Variants in DEF8 observed in about 807,000 individuals in gnomAD.
DEF8 encodes differentially expressed in FDCP 8 homolog, also known as DEF-8.
In DEF8, 38 loss-of-function variants were observed where a neutral mutation model predicts 59.1. The ratio of observed to expected loss-of-function variants is 0.64; its 90% CI spans 0.50 to 0.84. The LOEUF (loss-of-function observed/expected upper bound fraction) is 0.84, where lower values mean the gene tolerates loss of function less well. DEF8 is among the 40% of genes least tolerant of loss of function. The pLI, the probability that DEF8 is intolerant of heterozygous loss-of-function variation, is 0.00. For synonymous variants in DEF8, 265 were observed against 250.1 expected (o/e 1.06, Z -0.56); for missense variants, 557 against 615.2 (o/e 0.91, Z 1.00).
In DEF8 at chr16:89,948,785, G is replaced by C; in HGVS notation, c.-137G>C. On this transcript the variant is annotated 5_prime_UTR_variant, in exon 1 of 13. Transcript: ENST00000563594. ...GGGGCGGCCGGGCGGATCCAGCGCAGCCGGGAGACAGATGCGAGGCGGCGG... is the reference window on the plus strand; with the variant it reads ...GGGGCGGCCGGGCGGATCCAGCGCACCCGGGAGACAGATGCGAGGCGGCGG... The C allele has an allele frequency of 1.0e-6, 1 of 984,054 alleles. No homozygotes were observed. The highest frequency in any genetic ancestry group is 1.8e-5 in the African/African-American group (1 of 56,566). The allele number at this position is 984,054 out of a possible 1,614,324, so 61.0% of individuals were successfully genotyped here.
At chr16:89,963,807 G>A (rs772421906) in intron 10 of DEF8, 1 of 488,986 alleles carries the variant, frequency 2.0e-6, no homozygotes, top group Non-Finnish European at 3.8e-6. Context: ...CTTGCCCTTA[G>A]TGCCTTTCAA....
At chr16:89,949,927 G>T in intron 2 of DEF8, 1 of 790,356 alleles carries the variant, frequency 1.3e-6, no homozygotes, top group Non-Finnish European at 1.7e-6. Flanking sequence ...ACTGTGGCCG[G>T]CATCCCCAGG....
chr16:89,958,864 A>AT lies in DEF8; in HGVS notation c.373-150_373-149insT, dbSNP rs1283416462. 4 of 1,460,058 alleles carry AT rather than the reference A, an allele frequency of 2.7e-6. No individual in the cohort carries two copies. In the African/African-American group the frequency reaches 5.7e-5, roughly 21 times the overall value. The allele number at this position is 1,460,058 out of a possible 1,614,324, so 90.4% of individuals were successfully genotyped here. On this transcript the variant is annotated intron_variant, in intron 5 of 12. Transcript: ENST00000563594. ...GTCCAGCTGATCATTGTTTACTGTG[A>AT]AAGGGAGAAAAGGGACATGGCATTG...
chr16:89,949,653 C>T (rs377700366), intron 2 of DEF8, 140 bp downstream of exon 2: 12 of 1,601,252 alleles, frequency 7.5e-6, no homozygotes, highest in Non-Finnish European at 7.7e-6. Context: ...GTGCATCCCG[C>T]GTGTCCTGAG....
intron 6 of DEF8, 107 bp from the exon 7 acceptor site, chr16:89,960,824 T>C (rs899562048): frequency 5.1e-6 from 6 of 1,174,550 alleles, no homozygotes; most frequent in Non-Finnish European, 7.4e-6. Context: ...TAGATTGATC[T>C]GGGCCTCAGA....
intron 2 of DEF8, among the ~76,000 whole-genome samples, chr16:89,950,856 C>A (rs1411868093): frequency 6.6e-6 from 1 of 152,160 alleles, no homozygotes; most frequent in Non-Finnish European, 1.5e-5. Flanking sequence ...GTGGCACACA[C>A]TGGAGTTCCA....
intron 4 of DEF8, chr16:89,957,233 A>G (rs148774292): frequency 2.3e-5 from 7 of 305,488 alleles, no homozygotes; most frequent in African/African-American, 4.3e-5. Flanking sequence ...GGATTTCTCA[A>G]AGAAGGAAGT....
intron 3 of DEF8, 66 bp from the exon 4 acceptor site, chr16:89,955,103 C>A: frequency 7.6e-7 from 1 of 1,314,042 alleles, no homozygotes; most frequent in Non-Finnish European, 1.1e-6. Flanking sequence ...ATCTCAGCTC[C>A]TCCCTAGGGG....
rs1447909445 is a variant in DEF8, at chr16:89,964,157, T to A, written c.1003-13T>A. Reference sequence around the variant, plus strand: ...CCCCGGTGCAGGGCGTCACGGCTGCTGGGACTTGGCAGCTCCAGGATCGGC... The same window carrying A: ...CCCCGGTGCAGGGCGTCACGGCTGCAGGGACTTGGCAGCTCCAGGATCGGC... On this transcript the variant is annotated splice_polypyrimidine_tract_variant and intron_variant, in intron 10 of 12. Transcript: ENST00000563594. The A allele has an allele frequency of 1.2e-6, 2 of 1,613,930 alleles. No individual in the cohort carries two copies. Among genetic ancestry groups the A allele is most frequent in the South Asian group, 2.2e-5 (2 of 91,076 alleles).
In DEF8 at chr16:89,948,790, G is replaced by C; in HGVS notation, c.-132G>C. On this transcript the variant is annotated 5_prime_UTR_variant, in exon 1 of 13. Coordinates refer to ENST00000563594, the MANE Select transcript of DEF8 (RefSeq NM_001242818.2). ...GGCCGGGCGGATCCAGCGCAGCCGG[G>C]AGACAGATGCGAGGCGGCGGTCAGG... 1 of 983,800 alleles carries C rather than the reference G, an allele frequency of 1.0e-6. No homozygotes were observed. Among genetic ancestry groups the C allele is most frequent in the South Asian group, 4.6e-5 (1 of 21,966 alleles). The allele number at this position is 983,800 out of a possible 1,614,324, so 60.9% of individuals were successfully genotyped here. A position where few individuals can be genotyped will look rare whatever the true frequency, so the allele number is the denominator to read the frequency against.
chr16:89,949,478 T>TC lies in DEF8; in HGVS notation c.-43dup. 6.2e-7 allele frequency: 1 copy of TC among 1,612,432 alleles called. No individual in the cohort carries two copies. The highest frequency in any genetic ancestry group is 8.5e-7 in the Non-Finnish European group (1 of 1,179,840). ...CAGCCCTAGAGGAATGGCCATCCTGTCCCTGCGAGCCCCTGGGCCCTGGCA... is the reference window on the plus strand; with the variant it reads ...CAGCCCTAGAGGAATGGCCATCCTGTCCCCTGCGAGCCCCTGGGCCCTGGCA... On this transcript the variant is annotated 5_prime_UTR_variant, in exon 2 of 13. Coordinates refer to ENST00000563594, the MANE Select transcript of DEF8 (RefSeq NM_001242818.2).
intron 12 of DEF8, among the ~76,000 whole-genome samples, chr16:89,965,428 T>A (rs1226354792): frequency 6.6e-6 from 1 of 152,210 alleles, no homozygotes; most frequent in Non-Finnish European, 1.5e-5. Context: ...CTCGAGCTAG[T>A]CGTTTGCTCA....
At chr16:89,949,107 G>C (rs1333167187) in intron 1 of DEF8, among the ~76,000 whole-genome samples, 1 of 141,182 alleles carries the variant, frequency 7.1e-6, no homozygotes, top group Non-Finnish European at 1.6e-5. Flanking sequence ...GGGCCGGCGA[G>C]GTCGGGGCCG....
chr16:89,963,154 GGAGGGTTTTCTGGACCACGGTAAGT>G (rs1035800389), intron 9 of DEF8, among the ~76,000 whole-genome samples, 184 bp from the exon 10 acceptor site: 1 of 152,364 alleles, frequency 6.6e-6, no homozygotes, highest in Admixed American at 6.5e-5. Context: ...CAGAGGGAAG[GGAGGGTTTTCTGGACCACGGTAAGT>G]GAGCCTCACG....
At chr16:89,962,184 C>A in intron 9 of DEF8, 59 bp downstream of exon 9, 1 of 1,454,308 alleles carries the variant, frequency 6.9e-7, no homozygotes, top group Non-Finnish European at 9.5e-7. Context: ...GGCCCTAGGG[C>A]CGGGCCAGTA....
In DEF8 at chr16:89,964,183, A is replaced by G. The variant is rs1442934046; in HGVS notation, c.1016A>G (p.Gln339Arg). The change falls in exon 11 of 13, where the codon CAG becomes CGG. Residue 339 changes from glutamine to arginine, a missense_variant. Coordinates refer to ENST00000563594, the MANE Select transcript of DEF8 (RefSeq NM_001242818.2). ...ARLLLQLQDR[Q>R]HFVENDEMYS... Reference sequence around the variant, plus strand: ...GGGACTTGGCAGCTCCAGGATCGGCAGCATTTTGTGGAGAACGACGAGATG... The same window carrying G: ...GGGACTTGGCAGCTCCAGGATCGGCGGCATTTTGTGGAGAACGACGAGATG... 1 of 1,613,780 alleles carries G rather than the reference A, an allele frequency of 6.2e-7. No individual in the cohort carries two copies. Among genetic ancestry groups the G allele is most frequent in the Non-Finnish European group, 8.5e-7 (1 of 1,179,950 alleles).
intron 3 of DEF8, 136 bp from the exon 4 acceptor site, chr16:89,955,033 C>CGGAT: frequency 1.5e-6 from 1 of 658,356 alleles, no homozygotes. Context: ...TGAGTGGTGC[C>CGGAT]CAGCTCTCAC....
In DEF8 at chr16:89,954,701, G is replaced by A. The variant is rs115657419; in HGVS notation, c.124+325G>A. On this transcript the variant is annotated intron_variant, in intron 3 of 12. Coordinates refer to ENST00000563594, the MANE Select transcript of DEF8 (RefSeq NM_001242818.2). This position sits in a 1 kb window ranked among gnomAD's most constrained non-coding sequence, Gnocchi z 4.3. ...TAAGGGAGAGGTTAGCCGAGGGAAC[G>A]TGCTCTGGGCGTCAGGGTGGCATGA... Among the ~76,000 whole-genome samples the A allele has an allele frequency of 0.031, 4,729 of 152,212 alleles. 249 individuals carry two copies. The highest frequency in any genetic ancestry group is 0.11 in the African/African-American group (4,489 of 41,498).
chr16:89,963,450 C>G lies in DEF8; in HGVS notation c.1002+7C>G. 6.2e-7 allele frequency: 1 copy of G among 1,612,392 alleles called. No homozygotes were observed. Among genetic ancestry groups the G allele is most frequent in the Non-Finnish European group, 8.5e-7 (1 of 1,179,082 alleles). On this transcript the variant is annotated splice_region_variant and intron_variant, in intron 10 of 12. Transcript: ENST00000563594. Reference sequence around the variant, plus strand: ...GGCTCGTCTGCTGCTGCAGGTCAGACTGCCAGCAGGACTGGCCCCCGATGG... The same window carrying G: ...GGCTCGTCTGCTGCTGCAGGTCAGAGTGCCAGCAGGACTGGCCCCCGATGG...
Sources: allele counts gnomAD v4.1 joint callset (sites outside exome capture counted in the v4.1 genomes callset), GRCh38; gene constraint gnomAD v4.1.1; non-coding constraint Gnocchi (gnomAD v3.1); transcripts MANE v1.5; gene names NCBI Gene and HGNC (gene_info 2026-07-23, HGNC 2026-07-21).